ENY2: variants seen among roughly 807,000 people sequenced by gnomAD.
ENY2 encodes transcription and mRNA export factor ENY2.
In ENY2, 4 loss-of-function variants were observed where a neutral mutation model predicts 15.9. The observed-to-expected ratio is 0.25, with a 90% CI of 0.12 to 0.57. The LOEUF is 0.57. Among genes scored for constraint, ENY2 ranks in the 20% least tolerant of loss-of-function variants. The pLI is 0.91. For missense variants in ENY2, 54 were observed against 117.2 expected (o/e 0.46, Z 2.49); for synonymous variants, 48 against 38.0 (o/e 1.26, Z -0.97).
intron 3 of ENY2, among the ~76,000 whole-genome samples, chr8:109,340,039 AG>A (rs1816081599): frequency 6.6e-6 from 1 of 152,338 alleles, no homozygotes; most frequent in African/African-American, 2.4e-5. Context: ...CTGAAAGAAT[AG>A]AGCTGGATTT....
In ENY2 at chr8:109,338,044, T is replaced by A. The variant is rs78898070; in HGVS notation, c.84-1276T>A. 7.8e-4 allele frequency among the ~76,000 whole-genome samples: 119 copies of A among 152,232 alleles called. 2 individuals carry two copies. In the East Asian group the frequency reaches 0.023, roughly 29 times the overall value. ...TGAGGGAGAGTGGAGATTAAGTCAG[T>A]GGCATAGCTGGGGAGAAGGCAGATC... On this transcript the variant is annotated intron_variant, in intron 2 of 4. Transcript: ENST00000521688.
intron 1 of ENY2, chr8:109,335,190 A>C (rs1815935858): frequency 6.6e-6 from 1 of 152,142 alleles, no homozygotes; most frequent in African/African-American, 2.4e-5. Context: ...GGACTTTGTA[A>C]GTTAGGAATT....
At chr8:109,336,005 C>A in intron 1 of ENY2, 123 bp from the exon 2 acceptor site, 2 of 805,562 alleles carry the variant, frequency 2.5e-6, no homozygotes, top group East Asian at 2.7e-5. Context: ...ATTATTAACA[C>A]ACTTGAAATG....
rs1816166164 is a variant in ENY2 at position 109,343,457 on chromosome 8, C to G, written c.282C>G (p.Phe94Leu). Reference sequence around the variant, plus strand: ...AGCTCCTACAAAGAATAAGAACATTCCTTGCTCAGCATGCCAGCCTTTAAG... The same window carrying G: ...AGCTCCTACAAAGAATAAGAACATTGCTTGCTCAGCATGCCAGCCTTTAAG... ...KKELLQRIRT[F>L]LAQHASL The change falls in exon 5 of 5, where the codon TTC (phenylalanine) becomes TTG (leucine). Residue 94 changes from phenylalanine to leucine, a missense_variant. By Grantham distance (22) the Phe-to-Leu change is conservative (BLOSUM62 0). Transcript: ENST00000521688. 6.2e-7 allele frequency: 1 copy of G among 1,612,794 alleles called. No homozygotes were observed. Among genetic ancestry groups the G allele is most frequent in the Non-Finnish European group, 8.5e-7 (1 of 1,179,514 alleles).
intron 4 of ENY2, chr8:109,342,765 G>T: frequency 1.4e-6 from 1 of 695,958 alleles, no homozygotes; most frequent in Non-Finnish European, 2.6e-6. Context: ...CAACCTTCCA[G>T]ACTGCTGGGA....
At chr8:109,340,450 A>C in intron 3 of ENY2, 39 bp from the exon 4 acceptor site, 1 of 1,607,788 alleles carries the variant, frequency 6.2e-7, no homozygotes, top group Non-Finnish European at 8.5e-7. Context: ...ACAGATAATG[A>C]TTTTAAATGA....
intron 2 of ENY2, among the ~76,000 whole-genome samples, chr8:109,337,947 A>G (rs553096271): frequency 1.3e-5 from 2 of 152,210 alleles, no homozygotes; most frequent in African/African-American, 4.8e-5. Flanking sequence ...GGACTCTTTA[A>G]GTTCCTGAGA....
At chr8:109,339,603 A>G in intron 3 of ENY2, 1 of 444,848 alleles carries the variant, frequency 2.2e-6, no homozygotes, top group East Asian at 3.5e-5. Flanking sequence ...AGCACTTAAG[A>G]TTTTCTCTGG....
At chr8:109,336,498 A>G (rs1225584306) in intron 2 of ENY2, 5 of 251,148 alleles carry the variant, frequency 2.0e-5, no homozygotes, top group African/African-American at 4.5e-5. Flanking sequence ...CTGGGTTTTA[A>G]CAGGGAGACA....
At chr8:109,336,268 C>A in intron 2 of ENY2, 64 bp downstream of exon 2, 1 of 1,320,226 alleles carries the variant, frequency 7.6e-7, no homozygotes, top group Non-Finnish European at 1.1e-6. Context: ...TTGTAAGAAT[C>A]TAAACAAGAA....
chr8:109,343,660 A>G lies in ENY2; in HGVS notation c.*179A>G, dbSNP rs1261181541. On this transcript the variant is annotated 3_prime_UTR_variant, in exon 5 of 5. Coordinates refer to ENST00000521688, the MANE Select transcript of ENY2 (RefSeq NM_020189.6). The stretch of plus-strand genomic sequence containing the variant: ...GTGTTATTTTAATAAATATCTCATG[A>G]ATGAGTTTGAAGTTTGCTTGGATTT... The G allele has an allele frequency of 9.7e-6, 5 of 515,000 alleles. No homozygotes were observed. Among genetic ancestry groups the G allele is most frequent in the Non-Finnish European group, 1.7e-5 (5 of 298,186 alleles). 31.9% of individuals were successfully genotyped at this position (515,000 alleles called of 1,614,324 possible).
At chr8:109,339,162 C>T in intron 2 of ENY2, 158 bp from the exon 3 acceptor site, 1 of 612,908 alleles carries the variant, frequency 1.6e-6, no homozygotes, top group Admixed American at 2.9e-5. Context: ...TGCATGAGAT[C>T]AAAGAACTAT....
chr8:109,336,001 AAC>A, intron 1 of ENY2, 125 bp from the exon 2 acceptor site: 1 of 780,002 alleles, frequency 1.3e-6, no homozygotes, highest in Non-Finnish European at 2.1e-6. Flanking sequence ...TGATATTATT[AAC>A]ACACTTGAAA....
At chr8:109,337,845 G>A (rs537887069) in intron 2 of ENY2, among the ~76,000 whole-genome samples, 4 of 152,176 alleles carry the variant, frequency 2.6e-5, no homozygotes, top group East Asian at 3.9e-4. Flanking sequence ...GTTGCGGTGA[G>A]CTGAGATCGC....
intron 4 of ENY2, among the ~76,000 whole-genome samples, chr8:109,341,536 C>CT (rs1468007622): frequency 6.6e-6 from 1 of 152,034 alleles, no homozygotes; most frequent in Non-Finnish European, 1.5e-5. Context: ...TCTTCTGTGA[C>CT]TTACACTTAT....
intron 3 of ENY2, chr8:109,339,612 G>T: frequency 2.3e-6 from 1 of 430,574 alleles, no homozygotes; most frequent in Non-Finnish European, 4.1e-6. Context: ...GATTTTCTCT[G>T]GCATCAGAAT....
chr8:109,334,639 T>G, intron 1 of ENY2, 165 bp downstream of exon 1: 3 of 740,540 alleles, frequency 4.1e-6, no homozygotes, highest in Non-Finnish European at 4.2e-6. Context: ...CGCTTTGTTT[T>G]CTGGCTCCTC....
In ENY2 at chr8:109,345,443, TCTTTGAACCAGCTGGGCTTAA is replaced by T. The variant is rs1816224150; in HGVS notation, c.*1963_*1983del. The stretch of plus-strand genomic sequence containing the variant: ...TCTTTCTGATGAATTTAAAGTGTAG[TCTTTGAACCAGCTGGGCTTAA>T]TTATGTAAAGTTTTGAGCCTGAGAT... On this transcript the variant is annotated 3_prime_UTR_variant, in exon 5 of 5. Coordinates refer to ENST00000521688, the MANE Select transcript of ENY2 (RefSeq NM_020189.6). The T allele has an allele frequency of 6.6e-6, 1 of 152,148 alleles. No homozygotes were observed. The highest frequency in any genetic ancestry group is 1.9e-4 in the East Asian group (1 of 5,190). 9.4% of individuals were successfully genotyped at this position (152,148 alleles called of 1,614,324 possible). A position where few individuals can be genotyped will look rare whatever the true frequency, so the allele number is the denominator to read the frequency against.
rs544141360 is a variant in ENY2 at position 109,334,353 on chromosome 8, T to C, written c.-116T>C. On this transcript the variant is annotated 5_prime_UTR_variant, in exon 1 of 5. Coordinates refer to ENST00000521688, the MANE Select transcript of ENY2 (RefSeq NM_020189.6). ...ATGCGTGTTCTAGCTTTCTGTGTGC[T>C]TAGGTGCCCGAGCTACTGAGGGTCT... is the stretch of plus-strand genomic sequence containing the variant. The C allele has an allele frequency of 2.0e-5, 30 of 1,485,276 alleles. No homozygotes were observed. The highest frequency in any genetic ancestry group is 1.9e-4 in the African/African-American group (14 of 72,558). The allele number at this position is 1,485,276 out of a possible 1,614,324, so 92.0% of individuals were successfully genotyped here.
Sources: gnomAD v4.1 joint callset for allele counts (sites outside exome capture counted in the v4.1 genomes callset) on GRCh38, gnomAD v4.1.1 for gene constraint, MANE v1.5 for transcripts, NCBI Gene and HGNC (gene_info 2026-07-23, HGNC 2026-07-21) for gene names.